The following AKR1E2 variants were observed in gnomAD, a reference collection of about 807,000 sequenced individuals.
The protein encoded by AKR1E2 is aldo-keto reductase family 1 member E2, also known as 1,5-anhydro-D-fructose reductase.
AKR1E2 carries 43 observed loss-of-function variants against 41.9 expected under a neutral mutation model. The observed-to-expected ratio is 1.03, with a 90% CI of 0.80 to 1.32. AKR1E2 has a LOEUF of 1.32. Ranked by LOEUF, AKR1E2 falls within the 40% of genes most tolerant of loss-of-function variation. The probability of loss-of-function intolerance (pLI) is 0.00; values close to 1 mark genes in which losing one functional copy is unlikely to be tolerated. For missense variants in AKR1E2, 423 were observed against 396.5 expected (o/e 1.07, Z -0.57); for synonymous variants, 121 against 138.9 (o/e 0.87, Z 0.91).
At chr10:4,848,284 G>A (rs189823469), downstream of AKR1E2, among the ~76,000 whole-genome samples, 6 of 152,310 alleles carry the variant, frequency 3.9e-5, no homozygotes, top group East Asian at 1.9e-4. Context: ...CCCCCATAGC[G>A]GAGATGAAAT....
chr10:4,828,471 T>C (rs2131488840), intron 1 of AKR1E2, among the ~76,000 whole-genome samples: 1 of 152,330 alleles, frequency 6.6e-6, no homozygotes, highest in Non-Finnish European at 1.5e-5. Context: ...CTCTCCCTGC[T>C]GTTGTAGATT....
intron 2 of AKR1E2, among the ~76,000 whole-genome samples, chr10:4,831,231 G>A (rs1410729170): frequency 6.6e-6 from 1 of 152,186 alleles, no homozygotes; most frequent in East Asian, 1.9e-4. Flanking sequence ...ATCTGTTGAA[G>A]GAGAAACTCT....
At chr10:4,828,887 T>C (rs183057849) in intron 1 of AKR1E2, among the ~76,000 whole-genome samples, 21 of 152,364 alleles carry the variant, frequency 1.4e-4, no homozygotes, top group Admixed American at 3.3e-4. Flanking sequence ...TTTCACCTGC[T>C]ATATTCATTA....
chr10:4,847,328 T>C, intron 9 of AKR1E2, 98 bp downstream of exon 9: 3 of 1,575,538 alleles, frequency 1.9e-6, no homozygotes, highest in South Asian at 2.3e-5. Context: ...TTAGATTAAT[T>C]AAACTTTCTC....
chr10:4,833,335 C>G lies in AKR1E2; in HGVS notation c.208-15C>G. On this transcript the variant is annotated splice_polypyrimidine_tract_variant and intron_variant, in intron 2 of 9. Coordinates refer to ENST00000298375, the MANE Select transcript of AKR1E2 (RefSeq NM_001040177.3). ...TGGGTGGGCACGTGTGACGCTGGTC[C>G]CCTCTCCTTTGTAGCTGTGGTGCAC... 1.9e-6 allele frequency: 3 copies of G among 1,607,640 alleles called. No individual in the cohort carries two copies. Among genetic ancestry groups the G allele is most frequent in the East Asian group, 2.2e-5 (1 of 44,846 alleles).
At chr10:4,846,492 T>C (rs143643024) in intron 8 of AKR1E2, among the ~76,000 whole-genome samples, 36 of 151,998 alleles carry the variant, frequency 2.4e-4, no homozygotes, top group African/African-American at 7.5e-4. Flanking sequence ...ATGGAACAAA[T>C]TGTTTTGTTG....
downstream of AKR1E2, among the ~76,000 whole-genome samples, chr10:4,849,149 A>G (rs1834476269): frequency 6.6e-6 from 1 of 152,140 alleles, no homozygotes; most frequent in South Asian, 2.1e-4. Flanking sequence ...GGTAGGATTG[A>G]GGGTGGGGTG....
At chr10:4,861,109 G>T in the AKR1E2 span, among the ~76,000 whole-genome samples, 1 of 152,150 alleles carries the variant, frequency 6.6e-6, no homozygotes, top group Non-Finnish European at 1.5e-5. Context: ...TTATTTGGAA[G>T]ATTTTTAAAC....
At chr10:4,861,990 C>T in the AKR1E2 span, among the ~76,000 whole-genome samples, 4 of 152,178 alleles carry the variant, frequency 2.6e-5, no homozygotes, top group African/African-American at 9.7e-5. Flanking sequence ...GTGTTTTAGA[C>T]ATGAAGTCCT....
chr10:4,826,700 C>A (rs75784617), intron 1 of AKR1E2, among the ~76,000 whole-genome samples: 4,966 of 152,188 alleles, frequency 0.033, 132 homozygotes, highest in East Asian at 0.11. Flanking sequence ...AGAACTGGAG[C>A]GGGGATGCCG....
At chr10:4,846,549 C>CTTTT (rs760426996) in intron 8 of AKR1E2, among the ~76,000 whole-genome samples, 17 of 141,106 alleles carry the variant, frequency 1.2e-4, no homozygotes, top group Admixed American at 3.5e-4. Context: ...CTGTGCCATC[C>CTTTT]TTTTTTTTTT....
chr10:4,853,489 A>G, the AKR1E2 span, among the ~76,000 whole-genome samples: 3 of 151,374 alleles, frequency 2.0e-5, no homozygotes, highest in Non-Finnish European at 2.9e-5. Context: ...GAAGAGATTG[A>G]TTCTAAGCCA....
intron 1 of AKR1E2, among the ~76,000 whole-genome samples, chr10:4,826,910 T>A (rs1832567333): frequency 6.6e-6 from 1 of 151,718 alleles, no homozygotes; most frequent in African/African-American, 2.4e-5. Context: ...ACCCTGTTTC[T>A]ACAAAAAATG....
intron 1 of AKR1E2, among the ~76,000 whole-genome samples, chr10:4,829,561 T>G (rs578110082): frequency 1.8e-4 from 27 of 152,170 alleles, no homozygotes; most frequent in Admixed American, 3.3e-4. Context: ...ATTTTTTTCT[T>G]GAAAATTTTA....
the AKR1E2 span, among the ~76,000 whole-genome samples, chr10:4,857,854 T>C: frequency 6.6e-6 from 1 of 152,114 alleles, no homozygotes; most frequent in Admixed American, 6.5e-5. Flanking sequence ...CTGATTTCAG[T>C]TGAGTCTTAT....
chr10:4,839,700 A>G (rs771978081), intron 5 of AKR1E2, 29 bp from the exon 6 acceptor site: 1 of 1,599,750 alleles, frequency 6.3e-7, no homozygotes, highest in Non-Finnish European at 8.6e-7. Flanking sequence ...AGTGGTCTGA[A>G]TTTTATGTAA....
chr10:4,829,791 C>A (rs1832831021), intron 1 of AKR1E2, among the ~76,000 whole-genome samples: 4 of 152,088 alleles, frequency 2.6e-5, no homozygotes, highest in African/African-American at 9.7e-5. Context: ...AAAAGTTGGC[C>A]TCTTCATCAA....
chr10:4,863,812 A>T, the AKR1E2 span, among the ~76,000 whole-genome samples: 1 of 152,238 alleles, frequency 6.6e-6, no homozygotes, highest in Non-Finnish European at 1.5e-5. Flanking sequence ...ACAAACTACC[A>T]TCAGAGAATA....
At chr10:4,849,503 C>T (rs1417140148), downstream of AKR1E2, among the ~76,000 whole-genome samples, 1 of 152,178 alleles carries the variant, frequency 6.6e-6, no homozygotes, top group Non-Finnish European at 1.5e-5. Context: ...CCCACAGAGT[C>T]AAAAATCTAA....
Sources: gnomAD v4.1 joint callset for allele counts (sites outside exome capture counted in the v4.1 genomes callset) on GRCh38, gnomAD v4.1.1 for gene constraint, MANE v1.5 for transcripts, NCBI Gene and HGNC (gene_info 2026-07-23, HGNC 2026-07-21) for gene names.